The following MAP2 variants were observed in gnomAD, a reference collection of about 807,000 sequenced individuals.
MAP2 encodes the protein microtubule associated protein 2, also known as microtubule-associated protein 2.
A neutral mutation model predicts 137.6 loss-of-function variants in MAP2; 14 were observed. The observed-to-expected ratio is 0.10, with a 90% confidence interval of 0.07 to 0.16. The LOEUF is 0.16. Among genes scored for constraint, MAP2 ranks in the 10% least tolerant of loss-of-function variants. The pLI, the probability that MAP2 is intolerant of heterozygous loss-of-function variation, is 1.00. For missense variants in MAP2, 2,088 were observed against 2,191.5 expected (o/e 0.95, Z 0.94); for synonymous variants, 786 against 782.3 (o/e 1.00, Z -0.08).
intron 5 of MAP2, among the ~76,000 whole-genome samples, chr2:209,663,226 C>T (rs1332247109): frequency 6.6e-6 from 1 of 152,128 alleles, no homozygotes; most frequent in Non-Finnish European, 1.5e-5. Context: ...CACTTCACTG[C>T]TCCCCAGTAC....
At chr2:209,485,097 T>C (rs1455975169) in intron 1 of MAP2, among the ~76,000 whole-genome samples, 1 of 152,228 alleles carries the variant, frequency 6.6e-6, no homozygotes, top group Admixed American at 6.5e-5. Context: ...TATAGTTTCT[T>C]TGCTGTGGCA....
At chr2:209,464,630 A>C (rs1437438267) in intron 1 of MAP2, among the ~76,000 whole-genome samples, 1 of 152,094 alleles carries the variant, frequency 6.6e-6, no homozygotes, top group African/African-American at 2.4e-5. Flanking sequence ...AGCATTCATT[A>C]ATTATACTGT....
intron 4 of MAP2, among the ~76,000 whole-genome samples, chr2:209,638,201 T>G (rs184191608): frequency 6.6e-6 from 1 of 152,204 alleles, no homozygotes; most frequent in African/African-American, 2.4e-5. Context: ...TAGCATGCCA[T>G]GGAAATCAAC....
chr2:209,462,631 TG>T (rs1467761251), intron 1 of MAP2, among the ~76,000 whole-genome samples: 3 of 152,178 alleles, frequency 2.0e-5, no homozygotes, highest in Non-Finnish European at 4.4e-5. Flanking sequence ...TTACTTTGGA[TG>T]TTCTCTTCCA....
intron 3 of MAP2, among the ~76,000 whole-genome samples, chr2:209,607,787 A>T (rs538549779): frequency 1.3e-5 from 2 of 152,288 alleles, no homozygotes; most frequent in East Asian, 3.9e-4. Flanking sequence ...CTATTGCTGG[A>T]TCCTCACCAG....
intron 3 of MAP2, among the ~76,000 whole-genome samples, chr2:209,611,097 G>A (rs1042231651): frequency 6.6e-6 from 1 of 152,120 alleles, no homozygotes; most frequent in Non-Finnish European, 1.5e-5. Context: ...ATACTACTTA[G>A]AGAAGTTTAA....
intron 1 of MAP2, among the ~76,000 whole-genome samples, chr2:209,505,345 T>C (rs2060901398): frequency 2.0e-5 from 3 of 152,194 alleles, no homozygotes; most frequent in South Asian, 2.1e-4. Context: ...TATTTTATGC[T>C]TAGAAACCCA....
chr2:209,448,311 G>T (rs1326681835), intron 1 of MAP2, among the ~76,000 whole-genome samples: 1 of 152,136 alleles, frequency 6.6e-6, no homozygotes, highest in Non-Finnish European at 1.5e-5. Context: ...GACCATTTCA[G>T]TAGTTTTTCC....
At chr2:209,610,568 T>C (rs1427061630) in intron 3 of MAP2, among the ~76,000 whole-genome samples, 1 of 152,124 alleles carries the variant, frequency 6.6e-6, no homozygotes, top group Non-Finnish European at 1.5e-5. Flanking sequence ...CTTTTATGTG[T>C]TTACCAAATA....
chr2:209,603,361 A>G (rs2083563091), intron 3 of MAP2, among the ~76,000 whole-genome samples: 2 of 152,090 alleles, frequency 1.3e-5, no homozygotes, highest in South Asian at 4.2e-4. Flanking sequence ...AAGCTTTACC[A>G]TTTTCAGTGT....
At chr2:209,524,885 G>A (rs1412115596) in intron 2 of MAP2, among the ~76,000 whole-genome samples, 2 of 151,890 alleles carry the variant, frequency 1.3e-5, no homozygotes, top group Non-Finnish European at 2.9e-5. Context: ...TTTGGTTGTT[G>A]GTGGATCTCT....
intron 1 of MAP2, among the ~76,000 whole-genome samples, chr2:209,449,626 A>G (rs984632750): frequency 1.3e-5 from 2 of 152,294 alleles, no homozygotes; most frequent in Admixed American, 1.3e-4. Flanking sequence ...ATAATTTCAA[A>G]TATCTTGCAA....
intron 4 of MAP2, among the ~76,000 whole-genome samples, chr2:209,634,234 A>C (rs2093357796): frequency 6.6e-6 from 1 of 152,208 alleles, no homozygotes; most frequent in African/African-American, 2.4e-5. Context: ...TGTTTCATTT[A>C]ATCCTGCTAC....
chr2:209,693,669 C>T lies in MAP2; in HGVS notation c.1499C>T (p.Pro500Leu). The part of the protein sequence containing the change: ...TTDMLKQDSF[P>L]VSLEQAVTDS... ...GATATGTTGAAACAGGACTCGTTCC[C>T]TGTAAGTTTGGAGCAAGCAGTTACA... The change falls in exon 8 of 16, where the codon CCT (proline) becomes CTT (leucine). Residue 500 changes from proline to leucine, a missense_variant. Pro to Leu is a moderately conservative substitution (Grantham distance 98, BLOSUM62 -3). Transcript: ENST00000682079. 1 of 1,613,748 alleles carries T rather than the reference C, an allele frequency of 6.2e-7. No homozygotes were observed. Among genetic ancestry groups the T allele is most frequent in the Admixed American group, 1.7e-5 (1 of 59,978 alleles).
Position 209,694,088 on chromosome 2 carries a change from C to G in MAP2, c.1918C>G (p.Leu640Val), listed in dbSNP as rs1318957337. ...PPAQEAGYST[L>V]AQSYPSDLPE... is the part of the protein sequence containing the mutation. ...AGCACAAGAAGCAGGGTACAGCACT[C>G]TCGCACAGAGTTATCCATCAGATTT... The change falls in exon 8 of 16, where the codon CTC becomes GTC. Residue 640 changes from leucine to valine, a missense_variant. By Grantham distance (32) the Leu-to-Val change is conservative. Transcript: ENST00000682079. 5.0e-6 allele frequency: 8 copies of G among 1,613,632 alleles called. No homozygotes were observed. Among genetic ancestry groups the G allele is most frequent in the East Asian group, 4.5e-5 (2 of 44,854 alleles).
intron 1 of MAP2, among the ~76,000 whole-genome samples, chr2:209,494,711 A>C (rs1428334915): frequency 6.6e-6 from 1 of 152,210 alleles, no homozygotes; most frequent in African/African-American, 2.4e-5. Flanking sequence ...TACTTTCTTA[A>C]TAGACTTGCT....
intron 3 of MAP2, among the ~76,000 whole-genome samples, chr2:209,624,523 C>T (rs562073936): frequency 8.5e-4 from 130 of 152,112 alleles, no homozygotes; most frequent in African/African-American, 2.4e-3. Context: ...AACTGCTAAT[C>T]CAGAATGACA....
At chr2:209,649,388 G>A (rs2094629694) in intron 4 of MAP2, among the ~76,000 whole-genome samples, 1 of 152,204 alleles carries the variant, frequency 6.6e-6, no homozygotes, top group Middle Eastern at 3.4e-3. Flanking sequence ...ACATCAGGAA[G>A]AAGAAATTAA....
chr2:209,495,304 G>A (rs888359964), intron 1 of MAP2, among the ~76,000 whole-genome samples: 5 of 152,266 alleles, frequency 3.3e-5, no homozygotes, highest in South Asian at 4.1e-4. Context: ...GAAGAGAGCG[G>A]CAGATCTCCC....
Sources: allele counts gnomAD v4.1 joint callset (sites outside exome capture counted in the v4.1 genomes callset), GRCh38; gene constraint gnomAD v4.1.1; transcripts MANE v1.5; gene names NCBI Gene and HGNC (gene_info 2026-07-23, HGNC 2026-07-21).